The following PTER variants were observed in gnomAD, a reference collection of about 807,000 sequenced individuals.
The protein encoded by PTER is phosphotriesterase related.
A neutral mutation model predicts 29.6 loss-of-function variants in PTER; 38 were observed. The observed-to-expected ratio is 1.28, with a 90% CI of 0.99 to 1.68. PTER has a LOEUF of 1.68. Among genes scored for constraint, PTER ranks in the 40% most tolerant of loss-of-function variants. PTER has a pLI of 0.00. For synonymous variants in PTER, 172 were observed against 154.5 expected (o/e 1.11, Z -0.84); for missense variants, 482 against 427.8 (o/e 1.13, Z -1.12).
chr10:16,484,770 T>A lies in PTER; in HGVS notation c.386T>A (p.Val129Glu), dbSNP rs1397820768. The A allele has an allele frequency of 1.2e-6, 2 of 1,613,258 alleles. No individual in the cohort carries two copies. The highest frequency in any genetic ancestry group is 1.7e-6 in the Non-Finnish European group (2 of 1,179,734). Residue 129 changes from valine (V) to glutamate (E), a missense_variant, in exon 2 of 5, where the codon GTG (valine) becomes GAG (glutamate). Val to Glu is a moderately radical substitution (Grantham distance 121). Transcript: ENST00000535784. ...VHIISGAGFY[V>E]DATHSSETRA... ...ATCATATCTGGAGCCGGGTTTTATG[T>A]GGATGCAACTCACTCCTCAGAGACC...
chr10:16,496,018 C>G (rs1836083006), intron 3 of PTER, among the ~76,000 whole-genome samples: 1 of 152,178 alleles, frequency 6.6e-6, no homozygotes, highest in African/African-American at 2.4e-5. Flanking sequence ...CCTGTGGTGC[C>G]AATGCCTCAT....
intron 1 of PTER, among the ~76,000 whole-genome samples, chr10:16,455,602 G>T (rs1269391669): frequency 6.6e-6 from 1 of 152,084 alleles, no homozygotes; most frequent in Non-Finnish European, 1.5e-5. Flanking sequence ...GAGCGAGGTG[G>T]ATCACTTGTA....
Position 16,484,464 on chromosome 10 carries a change from A to G in PTER, c.80A>G (p.Glu27Gly). The G allele has an allele frequency of 6.2e-7, 1 of 1,614,046 alleles. No individual in the cohort carries two copies. Among genetic ancestry groups the G allele is most frequent in the East Asian group, 2.2e-5 (1 of 44,880 alleles). ...PSKLGRTLTH[E>G]HLAMTFDCCY... is the part of the protein sequence containing the mutation. ...AAACTGGGCCGTACCCTGACCCATGAACACCTGGCCATGACCTTTGACTGC... is the reference window on the plus strand; with the variant it reads ...AAACTGGGCCGTACCCTGACCCATGGACACCTGGCCATGACCTTTGACTGC... The change falls in exon 2 of 5, where the codon GAA becomes GGA. Residue 27 changes from glutamate to glycine, a missense_variant. Glu to Gly is a moderately conservative substitution (Grantham distance 98). Transcript: ENST00000535784.
rs540365250 is a variant in PTER at position 16,484,535 on chromosome 10, C to A, written c.151C>A (p.Pro51Thr). The A allele has an allele frequency of 1.4e-5, 23 of 1,613,850 alleles. No individual in the cohort carries two copies. The highest frequency in any genetic ancestry group is 1.7e-5 in the Non-Finnish European group (20 of 1,179,996). ...GTGCCAGGAAGCTATTTCCAAAGAA[C>A]CTATCGTGATGAAAAATTTATATTG... ...PPCQEAISKE[P>T]IVMKNLYWIQ... Residue 51 changes from proline to threonine, a missense_variant, in exon 2 of 5, where the codon CCT (proline) becomes ACT (threonine). By Grantham distance (38) the Pro-to-Thr change is conservative. Coordinates refer to ENST00000535784, the MANE Select transcript of PTER (RefSeq NM_001261836.2).
intron 1 of PTER, among the ~76,000 whole-genome samples, chr10:16,467,340 G>A (rs565847514): frequency 6.6e-6 from 1 of 152,086 alleles, no homozygotes; most frequent in South Asian, 2.1e-4. Flanking sequence ...CAAAAACATA[G>A]TATCTACAGG....
intron 4 of PTER, among the ~76,000 whole-genome samples, chr10:16,509,453 A>G (rs961527254): frequency 1.3e-5 from 2 of 152,330 alleles, no homozygotes; most frequent in African/African-American, 4.8e-5. Flanking sequence ...GTTTATCCAC[A>G]TGATCTGCCT....
intron 1 of PTER, among the ~76,000 whole-genome samples, chr10:16,469,399 G>T (rs550983728): frequency 6.6e-6 from 1 of 152,300 alleles, no homozygotes; most frequent in Admixed American, 6.5e-5. Context: ...GCGCTGTATA[G>T]GCTTCCTAAG....
At chr10:16,454,443 G>C (rs1257473493) in intron 1 of PTER, among the ~76,000 whole-genome samples, 1 of 151,926 alleles carries the variant, frequency 6.6e-6, no homozygotes, top group Non-Finnish European at 1.5e-5. Flanking sequence ...AGGCGTGGTG[G>C]TGCACACCTG....
intron 1 of PTER, among the ~76,000 whole-genome samples, chr10:16,442,216 ATTTG>A (rs1467711290): frequency 6.6e-6 from 1 of 152,118 alleles, no homozygotes; most frequent in Non-Finnish European, 1.5e-5. Flanking sequence ...TTTCCAAATT[ATTTG>A]TTTGTTGATT....
chr10:16,478,888 A>T (rs1269890373), intron 1 of PTER, among the ~76,000 whole-genome samples: 1 of 152,150 alleles, frequency 6.6e-6, no homozygotes, highest in East Asian at 1.9e-4. Context: ...CCAGTTTAAG[A>T]TGAACACCTC....
downstream of PTER, chr10:16,514,275 A>C (rs1207940378): frequency 9.1e-6 from 5 of 547,878 alleles, no homozygotes; most frequent in Admixed American, 6.8e-5. Flanking sequence ...ATAGGACTTC[A>C]TTCACATGGA....
downstream of PTER, chr10:16,514,774 A>G (rs868409701): frequency 5.3e-5 from 64 of 1,205,492 alleles, no homozygotes; most frequent in Middle Eastern, 2.0e-3. Flanking sequence ...TTTGCCATTC[A>G]TGTAGCATCA....
intron 3 of PTER, among the ~76,000 whole-genome samples, chr10:16,499,532 C>T (rs1284093819): frequency 6.6e-6 from 1 of 151,968 alleles, no homozygotes; most frequent in South Asian, 2.1e-4. Flanking sequence ...GCCTCAACTT[C>T]CCGGGCTCCA....
intron 3 of PTER, among the ~76,000 whole-genome samples, chr10:16,491,983 C>A (rs926191507): frequency 6.6e-6 from 1 of 152,096 alleles, no homozygotes; most frequent in African/African-American, 2.4e-5. Flanking sequence ...ACAACAACAA[C>A]AAATTGCTAC....
In PTER at chr10:16,484,833, C is replaced by A. The variant is rs1835631436; in HGVS notation, c.432+17C>A. On this transcript the variant is annotated intron_variant, in intron 2 of 4. Transcript: ENST00000535784. ...GTGGAGCAGGTAAAAAGCCTAAGTT[C>A]TTTGACAGTATTTGTTCATAAATTC... 4 of 1,568,676 alleles carry A rather than the reference C, an allele frequency of 2.5e-6. No individual in the cohort carries two copies. The highest frequency in any genetic ancestry group is 2.0e-5 in the Admixed American group (1 of 50,814).
chr10:16,513,759 A>G (rs1836901586), downstream of PTER: 1 of 152,626 alleles, frequency 6.6e-6, no homozygotes, highest in Non-Finnish European at 1.5e-5. Context: ...AAATGTATTC[A>G]GTTGACAAAA....
chr10:16,471,400 C>T lies in PTER; in HGVS notation c.-48-12937C>T, dbSNP rs187675644. On this transcript the variant is annotated intron_variant, in intron 1 of 4. Coordinates refer to ENST00000535784, the MANE Select transcript of PTER (RefSeq NM_001261836.2). Reference sequence around the variant, plus strand: ...AACATTGATCTTTTCCCATTTTACTCCCTTTTACTGATTATAAATGTTATA... The same window carrying T: ...AACATTGATCTTTTCCCATTTTACTTCCTTTTACTGATTATAAATGTTATA... Among the ~76,000 whole-genome samples, 68 of 152,140 alleles carry T rather than the reference C, an allele frequency of 4.5e-4. 1 individual carries two copies. The East Asian group carries it at 9.3e-3, about 21-fold the overall frequency.
At chr10:16,473,675 T>G (rs1835148876) in intron 1 of PTER, among the ~76,000 whole-genome samples, 1 of 152,108 alleles carries the variant, frequency 6.6e-6, no homozygotes. Flanking sequence ...AGTAATAAGA[T>G]GCAAAGAGAT....
intron 4 of PTER, among the ~76,000 whole-genome samples, chr10:16,507,813 A>G (rs1564411836): frequency 6.6e-6 from 1 of 152,166 alleles, no homozygotes; most frequent in African/African-American, 2.4e-5. Flanking sequence ...AAGTAGATGT[A>G]TTGTTTCTTT....
Sources: gnomAD v4.1 joint callset for allele counts (sites outside exome capture counted in the v4.1 genomes callset) on GRCh38, gnomAD v4.1.1 for gene constraint, MANE v1.5 for transcripts, NCBI Gene and HGNC (gene_info 2026-07-23, HGNC 2026-07-21) for gene names.